The following TRMT9B variants were observed in gnomAD, a reference collection of about 807,000 sequenced individuals.
TRMT9B encodes tRNA methyltransferase 9B (putative).
TRMT9B carries 16 observed loss-of-function variants against 11.5 expected under a neutral mutation model. That is an observed-to-expected ratio of 1.39 (90% CI 0.94 to 2.11). TRMT9B has a LOEUF of 2.11. Ranked by LOEUF, TRMT9B falls within the 30% of genes most tolerant of loss-of-function variation. TRMT9B has a pLI of 0.00. For missense variants in TRMT9B, 941 were observed against 553.8 expected (o/e 1.70, Z -7.02); for synonymous variants, 274 against 192.4 (o/e 1.42, Z -3.51).
chr8:13,018,670 C>G (rs560884970), intron 4 of TRMT9B, among the ~76,000 whole-genome samples: 1 of 152,248 alleles, frequency 6.6e-6, no homozygotes, highest in South Asian at 2.1e-4. Flanking sequence ...CCTCTGATCA[C>G]AACATTTTTG....
chr8:12,988,174 T>C (rs531854105), intron 1 of TRMT9B, among the ~76,000 whole-genome samples: 2 of 152,290 alleles, frequency 1.3e-5, no homozygotes, highest in African/African-American at 4.8e-5. Context: ...CACTCATCTT[T>C]TGAACTTCCG....
intron 2 of TRMT9B, among the ~76,000 whole-genome samples, chr8:12,991,435 T>C (rs186966788): frequency 6.6e-6 from 1 of 152,358 alleles, no homozygotes; most frequent in East Asian, 1.9e-4. Flanking sequence ...TAATGTAAGT[T>C]GTCTTTTAAC....
At chr8:12,994,961 C>G (rs186639786) in intron 2 of TRMT9B, among the ~76,000 whole-genome samples, 1 of 152,190 alleles carries the variant, frequency 6.6e-6, no homozygotes, top group African/African-American at 2.4e-5. Context: ...GAATTACAGG[C>G]GTGAGCCCCC....
rs1203514558 is a variant in TRMT9B at position 13,023,073 on chromosome 8, G to A, written c.*1029G>A. 1 of 166,998 alleles carries A rather than the reference G, an allele frequency of 6.0e-6. No individual in the cohort carries two copies. Among genetic ancestry groups the A allele is most frequent in the African/African-American group, 2.4e-5 (1 of 41,414 alleles). 10.3% of individuals were successfully genotyped at this position (166,998 alleles called of 1,614,324 possible). A position where few individuals can be genotyped will look rare whatever the true frequency, so the allele number is the denominator to read the frequency against. ...AGGAGTTATATGCAAGTACCCAAGTGGTATTCTTCCAATCTTATTAGAAGC... is the reference window on the plus strand; with the variant it reads ...AGGAGTTATATGCAAGTACCCAAGTAGTATTCTTCCAATCTTATTAGAAGC... On this transcript the variant is annotated 3_prime_UTR_variant, in exon 5 of 5. Coordinates refer to ENST00000524591, the MANE Select transcript of TRMT9B (RefSeq NM_020844.3).
At chr8:13,018,893 A>G (rs904882586) in intron 4 of TRMT9B, among the ~76,000 whole-genome samples, 2 of 152,230 alleles carry the variant, frequency 1.3e-5, no homozygotes, top group Non-Finnish European at 2.9e-5. Context: ...AAATAGCAAA[A>G]TCACCAACAA....
chr8:12,998,904 A>G (rs1309651395), intron 2 of TRMT9B, among the ~76,000 whole-genome samples: 3 of 152,232 alleles, frequency 2.0e-5, no homozygotes, highest in South Asian at 4.1e-4. Flanking sequence ...TTGTCAACAC[A>G]TCAAATACTC....
At position 13,006,224 on chromosome 8, in the gene TRMT9B, C is replaced by G. The variant is rs758664526; in HGVS notation, c.22C>G (p.Leu8Val). 1.9e-6 allele frequency: 3 copies of G among 1,613,960 alleles called. No homozygotes were observed. The highest frequency in any genetic ancestry group is 1.7e-5 in the Admixed American group (1 of 60,020). The change falls in exon 3 of 5, where the codon CTG (leucine) becomes GTG (valine). Residue 8 changes from leucine to valine, a missense_variant. Physicochemically the swap from Leu to Val is conservative, Grantham distance 32. Transcript: ENST00000524591. ...CAGGATGGATCATGAAGCCGCCCAG[C>G]TGGAGAAGCAGCATGTGCACAATGT... The part of the protein sequence containing the change: MDHEAAQ[L>V]EKQHVHNVYE...
chr8:13,018,315 T>A (rs1171150951), intron 4 of TRMT9B, among the ~76,000 whole-genome samples: 1 of 145,394 alleles, frequency 6.9e-6, no homozygotes, highest in Admixed American at 6.9e-5. Flanking sequence ...GAGAGGAGAA[T>A]CACCTGAACT....
Position 12,945,854 on chromosome 8 carries a change from C to G in TRMT9B, c.-312C>G, listed in dbSNP as rs1800240206. 1 of 151,820 alleles carries G rather than the reference C, an allele frequency of 6.6e-6. No homozygotes were observed. The highest frequency in any genetic ancestry group is 1.5e-5 in the Non-Finnish European group (1 of 68,002). The allele number at this position is 151,820 out of a possible 1,614,324, so 9.4% of individuals were successfully genotyped here. The stretch of plus-strand genomic sequence containing the variant: ...TCAACTTATTCAGTACTTCCATGTG[C>G]AGGGCTCTGGACTAGACTTTCAGGA... On this transcript the variant is annotated 5_prime_UTR_variant, in exon 1 of 5. Transcript: ENST00000524591.
intron 3 of TRMT9B, chr8:13,011,327 C>T (rs1811574853): frequency 1.0e-6 from 1 of 985,150 alleles, no homozygotes; most frequent in African/African-American, 1.7e-5. Flanking sequence ...ACTGTCTCAG[C>T]TGGCATTAAT....
At chr8:12,959,322 C>T (rs925413220) in intron 1 of TRMT9B, among the ~76,000 whole-genome samples, 4 of 152,072 alleles carry the variant, frequency 2.6e-5, no homozygotes, top group Admixed American at 6.6e-5. Context: ...GCGGTCAAAA[C>T]GCAGTCCAAA....
chr8:12,987,115 T>C (rs1208321142), intron 1 of TRMT9B, among the ~76,000 whole-genome samples: 1 of 152,214 alleles, frequency 6.6e-6, no homozygotes, highest in Non-Finnish European at 1.5e-5. Context: ...GCCATCTGTA[T>C]AGTTAAGAGT....
chr8:12,955,438 C>G (rs561774514), intron 1 of TRMT9B, among the ~76,000 whole-genome samples: 2 of 152,096 alleles, frequency 1.3e-5, no homozygotes, highest in African/African-American at 4.8e-5. Flanking sequence ...ATCCTCCCTT[C>G]TTTTCTCTCT....
At chr8:13,012,601 A>G in intron 3 of TRMT9B, 83 bp from the exon 4 acceptor site, 1 of 1,458,408 alleles carries the variant, frequency 6.9e-7, no homozygotes, top group South Asian at 1.4e-5. Flanking sequence ...TAAAAGGTTA[A>G]TTATATTTCT....
In TRMT9B at chr8:13,029,331, A is replaced by G. The variant is rs966318657; in HGVS notation, c.*7287A>G. ...CAGTTATTTTGACTTTTCCCAGGGG[A>G]AGCTAGCAATAGTTTTAAAAGCACA... On this transcript the variant is annotated 3_prime_UTR_variant, in exon 5 of 5. Coordinates refer to ENST00000524591, the MANE Select transcript of TRMT9B (RefSeq NM_020844.3). 6.0e-6 allele frequency: 1 copy of G among 167,008 alleles called. No individual in the cohort carries two copies. Among genetic ancestry groups the G allele is most frequent in the Non-Finnish European group, 1.5e-5 (1 of 68,110 alleles). The allele number at this position is 167,008 out of a possible 1,614,324, so 10.3% of individuals were successfully genotyped here.
intron 1 of TRMT9B, among the ~76,000 whole-genome samples, chr8:12,977,300 A>G (rs1415775396): frequency 6.6e-6 from 1 of 152,186 alleles, no homozygotes; most frequent in African/African-American, 2.4e-5. Flanking sequence ...GAGGAGAGGA[A>G]TGTGTTACTG....
At chr8:12,957,132 G>A (rs751421989) in intron 1 of TRMT9B, among the ~76,000 whole-genome samples, 2 of 152,106 alleles carry the variant, frequency 1.3e-5, no homozygotes, top group Non-Finnish European at 2.9e-5. Context: ...ATGGTGAGGT[G>A]GAAGATGGAA....
At chr8:12,953,547 T>G (rs1168973551) in intron 1 of TRMT9B, among the ~76,000 whole-genome samples, 1 of 152,144 alleles carries the variant, frequency 6.6e-6, no homozygotes, top group Non-Finnish European at 1.5e-5. Flanking sequence ...AGAGGGGGAT[T>G]TCACCTTGTT....
intron 1 of TRMT9B, among the ~76,000 whole-genome samples, chr8:12,969,104 T>C (rs1163348867): frequency 6.6e-6 from 1 of 152,106 alleles, no homozygotes; most frequent in South Asian, 2.1e-4. Context: ...TTCTAGCTAC[T>C]CGGGAGGCTG....
Sources: gnomAD v4.1 joint callset for allele counts (sites outside exome capture counted in the v4.1 genomes callset) on GRCh38, gnomAD v4.1.1 for gene constraint, MANE v1.5 for transcripts, NCBI Gene and HGNC (gene_info 2026-07-23, HGNC 2026-07-21) for gene names.